The following HSF2BP variants were observed in gnomAD, a reference collection of about 807,000 sequenced individuals.
HSF2BP encodes the protein heat shock transcription factor 2 binding protein, also known as heat shock factor 2-binding protein.
HSF2BP carries 35 observed loss-of-function variants against 35.0 expected under a neutral mutation model. That is an observed-to-expected ratio of 1.00 (90% CI 0.76 to 1.32). The LOEUF (loss-of-function observed/expected upper bound fraction) is 1.32, where lower values mean the gene tolerates loss of function less well. HSF2BP is among the 40% of genes most tolerant of loss of function. HSF2BP has a pLI of 0.00. For missense variants in HSF2BP, 326 were observed against 321.7 expected, an observed-to-expected ratio of 1.01 and a Z score of -0.10; for synonymous variants, 114 against 117.4, an observed-to-expected ratio of 0.97 and a Z score of 0.18.
At chr21:43,653,209 AGGGAAGGGGAAGGGAAGGGAAG>A (rs1387895327) in intron 3 of HSF2BP, among the ~76,000 whole-genome samples, 1 of 108,738 alleles carries the variant, frequency 9.2e-6, no homozygotes, top group African/African-American at 3.5e-5. Flanking sequence ...GGGGAAGGGA[AGGGAAGGGGAAGGGAAGGGAAG>A]GGGAAGGGAA....
chr21:43,574,718 C>T (rs967224005), intron 8 of HSF2BP, among the ~76,000 whole-genome samples: 2 of 152,160 alleles, frequency 1.3e-5, no homozygotes, highest in South Asian at 2.1e-4. Context: ...CCAACATCCA[C>T]GACGCACACT....
intron 3 of HSF2BP, among the ~76,000 whole-genome samples, chr21:43,654,874 A>G (rs1410011682): frequency 2.0e-5 from 3 of 152,216 alleles, no homozygotes; most frequent in Non-Finnish European, 2.9e-5. Context: ...CTCAAGCCCT[A>G]TTGGAAGGCT....
chr21:43,637,257 T>A (rs977148073), intron 4 of HSF2BP, among the ~76,000 whole-genome samples: 2 of 152,314 alleles, frequency 1.3e-5, no homozygotes, highest in African/African-American at 4.8e-5. Flanking sequence ...TGATGTATGC[T>A]ATAACACAAA....
intron 4 of HSF2BP, among the ~76,000 whole-genome samples, chr21:43,635,161 A>T (rs1377122965): frequency 2.0e-5 from 3 of 152,210 alleles, no homozygotes; most frequent in Non-Finnish European, 4.4e-5. Flanking sequence ...AAGGTGCAAG[A>T]CCTATACAAT....
chr21:43,580,548 C>T (rs1018422687), intron 8 of HSF2BP, among the ~76,000 whole-genome samples: 1 of 152,190 alleles, frequency 6.6e-6, no homozygotes, highest in African/African-American at 2.4e-5. Context: ...AAGGCTGACA[C>T]CTTTGTTCTA....
At chr21:43,596,926 A>T (rs939987294) in intron 7 of HSF2BP, among the ~76,000 whole-genome samples, 5 of 150,684 alleles carry the variant, frequency 3.3e-5, no homozygotes, top group Admixed American at 2.6e-4. Flanking sequence ...TTTTATAAAG[A>T]GGCAAATATA....
intron 7 of HSF2BP, among the ~76,000 whole-genome samples, chr21:43,596,387 T>TAC (rs112009393): frequency 0.065 from 9,628 of 147,396 alleles, 769 homozygotes; most frequent in African/African-American, 0.19. Flanking sequence ...GCTAGTGAAA[T>TAC]ACACACACAC....
chr21:43,602,322 C>T (rs1018941416), intron 7 of HSF2BP, among the ~76,000 whole-genome samples: 9 of 152,216 alleles, frequency 5.9e-5, no homozygotes, highest in African/African-American at 1.7e-4. Context: ...CTATTCCAGA[C>T]GAATTCTTTG....
chr21:43,609,917 A>G (rs149449752), intron 7 of HSF2BP: 71 of 152,510 alleles, frequency 4.7e-4, no homozygotes, highest in African/African-American at 1.6e-3. Flanking sequence ...TCCCACTGCA[A>G]TCAACAAGAG....
intron 2 of HSF2BP, 98 bp downstream of exon 2, chr21:43,657,963 G>T: frequency 6.6e-7 from 1 of 1,522,408 alleles, no homozygotes; most frequent in South Asian, 1.2e-5. Flanking sequence ...CCAAGCACGC[G>T]ACAGCGAGCC....
intron 6 of HSF2BP, among the ~76,000 whole-genome samples, chr21:43,616,631 A>C (rs547692645): frequency 6.6e-6 from 1 of 152,126 alleles, no homozygotes; most frequent in South Asian, 2.1e-4. Flanking sequence ...AGACAGAGCG[A>C]AACTCTGTCT....
chr21:43,579,196 A>C (rs1056059046), intron 8 of HSF2BP, among the ~76,000 whole-genome samples: 1 of 152,190 alleles, frequency 6.6e-6, no homozygotes, highest in Non-Finnish European at 1.5e-5. Context: ...GGAAGATTTC[A>C]TTAGCTGCGG....
intron 3 of HSF2BP, among the ~76,000 whole-genome samples, chr21:43,652,080 C>A (rs746435047): frequency 2.0e-4 from 30 of 152,226 alleles, no homozygotes; most frequent in Admixed American, 3.3e-4. Flanking sequence ...TGCCTGTATT[C>A]ATTCCTACCT....
intron 6 of HSF2BP, among the ~76,000 whole-genome samples, chr21:43,615,733 C>T (rs1369284176): frequency 6.6e-6 from 1 of 152,094 alleles, no homozygotes; most frequent in African/African-American, 2.4e-5. Context: ...GAATATGACA[C>T]ATTCTAGTTT....
intron 7 of HSF2BP, among the ~76,000 whole-genome samples, chr21:43,612,140 G>A (rs181399219): frequency 3.3e-5 from 5 of 152,272 alleles, no homozygotes; most frequent in Admixed American, 2.0e-4. Flanking sequence ...GACCCAAAGG[G>A]GTTGACTGCC....
At chr21:43,648,551 A>T (rs1485026905) in intron 3 of HSF2BP, among the ~76,000 whole-genome samples, 1 of 151,738 alleles carries the variant, frequency 6.6e-6, no homozygotes, top group Non-Finnish European at 1.5e-5. Flanking sequence ...TAATCTCTTC[A>T]CTTTACTCCG....
chr21:43,657,923 C>T, intron 2 of HSF2BP, 138 bp downstream of exon 2: 1 of 1,478,824 alleles, frequency 6.8e-7, no homozygotes, highest in Non-Finnish European at 8.9e-7. Flanking sequence ...CCAGCCCACG[C>T]CGTTAGGGGA....
intron 4 of HSF2BP, among the ~76,000 whole-genome samples, chr21:43,635,624 A>G (rs944339740): frequency 6.6e-5 from 10 of 152,180 alleles, no homozygotes; most frequent in Admixed American, 3.3e-4. Flanking sequence ...ATAATTCAAA[A>G]TGAATCATAG....
intron 7 of HSF2BP, among the ~76,000 whole-genome samples, chr21:43,605,722 A>C (rs950877740): frequency 2.5e-5 from 3 of 122,240 alleles, no homozygotes; most frequent in Non-Finnish European, 5.1e-5. Flanking sequence ...ACAGTCACAC[A>C]CATCACATGA....
Sources: allele counts gnomAD v4.1 joint callset (sites outside exome capture counted in the v4.1 genomes callset), GRCh38; gene constraint gnomAD v4.1.1; transcripts MANE v1.5; gene names NCBI Gene and HGNC (gene_info 2026-07-23, HGNC 2026-07-21).